MYLK: variants seen among roughly 807,000 people sequenced by gnomAD.
The protein encoded by MYLK is myosin light chain kinase, smooth muscle.
Under a neutral mutation model 203.4 loss-of-function variants are expected in MYLK, and 106 were observed. That is an observed-to-expected ratio of 0.52 (90% CI 0.45 to 0.61). The LOEUF (loss-of-function observed/expected upper bound fraction) is 0.61. Among genes scored for constraint, MYLK ranks in the 20% least tolerant of loss-of-function variants. The pLI, the probability that MYLK is intolerant of heterozygous loss-of-function variation, is 0.00. For synonymous variants in MYLK, 867 were observed against 959.5 expected (o/e 0.90, Z 1.78); for missense variants, 2,072 against 2,442.3 (o/e 0.85, Z 3.20).
At chr3:123,794,358 C>T (rs1340580915) in intron 3 of MYLK, among the ~76,000 whole-genome samples, 1 of 152,100 alleles carries the variant, frequency 6.6e-6, no homozygotes, top group East Asian at 1.9e-4. Flanking sequence ...GTTAATATGG[C>T]AAGGACCCTG....
intron 19 of MYLK, among the ~76,000 whole-genome samples, chr3:123,690,403 C>T (rs547408910): frequency 2.4e-4 from 36 of 152,248 alleles, no homozygotes; most frequent in Admixed American, 3.9e-4. Context: ...CAACATTTTG[C>T]CTGTAATTTC....
intron 31 of MYLK, chr3:123,620,659 C>A: frequency 1.8e-6 from 2 of 1,110,188 alleles, no homozygotes; most frequent in Non-Finnish European, 2.2e-6. Flanking sequence ...TTATATAAAG[C>A]AACTGCAGGC....
intron 3 of MYLK, among the ~76,000 whole-genome samples, chr3:123,825,993 A>C (rs1451243567): frequency 6.6e-6 from 1 of 152,232 alleles, no homozygotes; most frequent in Non-Finnish European, 1.5e-5. Flanking sequence ...GGACCTGAGA[A>C]ACAGCTCCAT....
At chr3:123,635,967 G>C (rs1409349978) in intron 29 of MYLK, among the ~76,000 whole-genome samples, 1 of 152,042 alleles carries the variant, frequency 6.6e-6, no homozygotes, top group African/African-American at 2.4e-5. Context: ...ACGATGTCAA[G>C]CAAAAAAAGC....
intron 20 of MYLK, among the ~76,000 whole-genome samples, chr3:123,673,653 C>T (rs2059987473): frequency 6.6e-6 from 1 of 152,178 alleles, no homozygotes. Context: ...CAAACAAACT[C>T]ACAGTACTCC....
At chr3:123,823,082 A>C (rs2065991375) in intron 3 of MYLK, among the ~76,000 whole-genome samples, 1 of 152,196 alleles carries the variant, frequency 6.6e-6, no homozygotes, top group Non-Finnish European at 1.5e-5. Flanking sequence ...TCGTGGCTGC[A>C]CTAACACATT....
intron 2 of MYLK, among the ~76,000 whole-genome samples, chr3:123,834,110 A>G (rs1166635192): frequency 1.6e-4 from 24 of 152,120 alleles, no homozygotes; most frequent in Admixed American, 1.6e-3. Flanking sequence ...CAGTGGTGCA[A>G]TCTCAGCTCA....
At chr3:123,735,607 C>A in intron 8 of MYLK, 191 bp from the exon 9 acceptor site, 1 of 630,488 alleles carries the variant, frequency 1.6e-6, no homozygotes, top group Non-Finnish European at 2.9e-6. Flanking sequence ...CAGGTTCTGT[C>A]CTTTGGGCTT....
chr3:123,719,842 G>T lies in MYLK; in HGVS notation c.1804+2286C>A, dbSNP rs193176934. Among the ~76,000 whole-genome samples the T allele has an allele frequency of 7.2e-5, 11 of 152,328 alleles. No individual in the cohort carries two copies. In the East Asian group the frequency reaches 2.1e-3, roughly 29 times the overall value. ...ACTGTGATCATCTCCCCCAGCCCAG[G>T]CTTGTCCCGAGGATCCAGAGCCAAC... On this transcript the variant is annotated intron_variant, in intron 13 of 33. Coordinates refer to ENST00000360304, the MANE Select transcript of MYLK (RefSeq NM_053025.4).
At chr3:123,704,176 G>A (rs937508236) in intron 16 of MYLK, among the ~76,000 whole-genome samples, 1 of 152,230 alleles carries the variant, frequency 6.6e-6, no homozygotes, top group African/African-American at 2.4e-5. Flanking sequence ...AAAGGCTGAC[G>A]CATTAAGTGG....
Position 123,698,584 on chromosome 3 carries a change from G to A in MYLK, c.3448+1436C>T, listed in dbSNP as rs1387697661. ...AATAATCCCCCATGCCTCAGGGGAGGGGGGCTGAGCCAGCAGAGGTGGGGG... is the reference window on the plus strand; with the variant it reads ...AATAATCCCCCATGCCTCAGGGGAGAGGGGCTGAGCCAGCAGAGGTGGGGG... On this transcript the variant is annotated intron_variant, in intron 18 of 33. Transcript: ENST00000360304. Among the ~76,000 whole-genome samples the A allele has an allele frequency of 3.9e-5, 6 of 152,308 alleles. No homozygotes were observed. The South Asian group carries it at 1.2e-3, about 32-fold the overall frequency.
intron 19 of MYLK, among the ~76,000 whole-genome samples, chr3:123,687,682 CT>C (rs1042572836): frequency 7.6e-5 from 11 of 145,526 alleles, no homozygotes; most frequent in Non-Finnish European, 1.2e-4. Context: ...TTCCTTTCTT[CT>C]TTTTTTTTGA....
intron 5 of MYLK, among the ~76,000 whole-genome samples, chr3:123,750,347 T>C (rs1349255565): frequency 6.6e-6 from 1 of 152,180 alleles, no homozygotes; most frequent in Non-Finnish European, 1.5e-5. Flanking sequence ...CTGCTCTCCT[T>C]CCTCTACAGC....
chr3:123,672,869 A>G (rs187860741), intron 20 of MYLK, among the ~76,000 whole-genome samples: 3 of 152,268 alleles, frequency 2.0e-5, no homozygotes, highest in Non-Finnish European at 4.4e-5. Context: ...CTTATAGGGG[A>G]AAGCACCTGG....
chr3:123,669,423 C>CTTTTTT (rs11337964), intron 20 of MYLK, among the ~76,000 whole-genome samples: 1 of 144,288 alleles, frequency 6.9e-6, no homozygotes, highest in Non-Finnish European at 1.5e-5. Flanking sequence ...AGAGGAAAGG[C>CTTTTTT]TTTTTTTTTT....
chr3:123,758,684 A>G (rs545597304), intron 4 of MYLK, among the ~76,000 whole-genome samples: 2 of 152,298 alleles, frequency 1.3e-5, no homozygotes, highest in South Asian at 4.1e-4. Flanking sequence ...GCCCTTCTGG[A>G]CCGCTTAATC....
intron 2 of MYLK, among the ~76,000 whole-genome samples, chr3:123,844,514 G>C (rs983440062): frequency 1.3e-5 from 2 of 151,964 alleles, no homozygotes; most frequent in Admixed American, 1.3e-4. Flanking sequence ...CTAAAATATA[G>C]GCCTACCTCT....
chr3:123,849,191 G>C (rs1313885006), intron 2 of MYLK, among the ~76,000 whole-genome samples: 1 of 151,834 alleles, frequency 6.6e-6, no homozygotes, highest in East Asian at 1.9e-4. Flanking sequence ...GCTCAGGCTG[G>C]TCTCAAATTT....
At chr3:123,787,906 T>C (rs940016295) in intron 4 of MYLK, among the ~76,000 whole-genome samples, 2 of 152,196 alleles carry the variant, frequency 1.3e-5, no homozygotes, top group African/African-American at 4.8e-5. Context: ...GCAAAGGATT[T>C]GCACTGTGCC....
Sources: gnomAD v4.1 joint callset for allele counts (sites outside exome capture counted in the v4.1 genomes callset) on GRCh38, gnomAD v4.1.1 for gene constraint, MANE v1.5 for transcripts, NCBI Gene and HGNC (gene_info 2026-07-23, HGNC 2026-07-21) for gene names.